The following DYNLT1 variants were observed in gnomAD, a reference collection of about 807,000 sequenced individuals.
DYNLT1 encodes T-complex testis-specific protein 1 homolog.
DYNLT1 carries 18 observed loss-of-function variants against 19.6 expected under a neutral mutation model. The ratio of observed to expected loss-of-function variants is 0.92; its 90% CI spans 0.64 to 1.36. The LOEUF (loss-of-function observed/expected upper bound fraction) is 1.36, where lower values mean the gene tolerates loss of function less well. Among genes scored for constraint, DYNLT1 ranks in the 40% most tolerant of loss-of-function variants. The probability of loss-of-function intolerance (pLI) is 0.00; values close to 1 mark genes in which losing one functional copy is unlikely to be tolerated. For synonymous variants in DYNLT1, 56 were observed against 44.0 expected, an observed-to-expected ratio of 1.27 and a Z score of -1.07; for missense variants, 137 against 139.3, an observed-to-expected ratio of 0.98 and a Z score of 0.08.
At position 158,637,202 on chromosome 6, in the gene DYNLT1, G is replaced by A. The variant is rs764380659; in HGVS notation, c.197C>T (p.Thr66Ile). Residue 66 changes from threonine (T) to isoleucine (I), a missense_variant, in exon 4 of 5, where the codon ACC becomes ATC. Thr to Ile is a moderately conservative substitution (Grantham distance 89). Transcript: ENST00000367089. ...KLGKPFKYIV[T>I]CVIMQKNGAG... The stretch of plus-strand genomic sequence containing the variant: ...TCCATTCTTCTGCATAATTACACAG[G>A]TCACTTAAGTTAAAACAAATTTTTG... The A allele has an allele frequency of 5.2e-5, 84 of 1,613,300 alleles. No individual in the cohort carries two copies. Among genetic ancestry groups the A allele is most frequent in the Non-Finnish European group, 7.0e-5 (82 of 1,179,758 alleles).
rs201629862 is a variant in DYNLT1, at chr6:158,637,851, T to A, written c.113A>T (p.Lys38Ile). Residue 38 changes from lysine to isoleucine, a missense_variant, in exon 3 of 5, where the codon AAA becomes ATA. Lys to Ile is a moderately radical substitution (Grantham distance 102). Transcript: ENST00000367089. ...TACATTTGTGGTCCACTGGTTCACT[T>A]TGCTGTGTTGATAAGCGTTACCACC... is the stretch of plus-strand genomic sequence containing the variant. ...AIGGNAYQHS[K>I]VNQWTTNVVE... 1.2e-6 allele frequency: 2 copies of A among 1,609,546 alleles called. No homozygotes were observed. Among genetic ancestry groups the A allele is most frequent in the East Asian group, 2.2e-5 (1 of 44,894 alleles).
intron 2 of DYNLT1, 31 bp downstream of exon 2, chr6:158,641,288 A>G: frequency 6.4e-7 from 1 of 1,571,082 alleles, no homozygotes; most frequent in South Asian, 1.2e-5. Flanking sequence ...AAGCCATTAA[A>G]CATTTAAGAA....
At chr6:158,638,475 A>G (rs1787069442) in intron 2 of DYNLT1, among the ~76,000 whole-genome samples, 3 of 151,842 alleles carry the variant, frequency 2.0e-5, no homozygotes, top group Admixed American at 2.0e-4. Context: ...CCCAGGCTGG[A>G]GAGCAGTGAT....
At chr6:158,637,502 T>A (rs1406586236) in intron 3 of DYNLT1, 5 of 626,872 alleles carry the variant, frequency 8.0e-6, no homozygotes, top group Non-Finnish European at 1.4e-5. Context: ...CACTGTCAGC[T>A]GGGGGCTGTC....
At position 158,636,914 on chromosome 6, in the gene DYNLT1, A is replaced by G. The variant is rs767076503; in HGVS notation, c.272-17T>C. ...TGCAGCTCCCTGCGGGAGGGAAGAGAGCAGCATTTACGGCAGGGAAAGCTG... is the reference window on the plus strand; with the variant it reads ...TGCAGCTCCCTGCGGGAGGGAAGAGGGCAGCATTTACGGCAGGGAAAGCTG... On this transcript the variant is annotated splice_polypyrimidine_tract_variant and intron_variant, in intron 4 of 4. Transcript: ENST00000367089. The G allele has an allele frequency of 7.4e-6, 12 of 1,612,942 alleles. No individual in the cohort carries two copies. The highest frequency in any genetic ancestry group is 1.3e-5 in the African/African-American group (1 of 74,928).
intron 2 of DYNLT1, among the ~76,000 whole-genome samples, chr6:158,640,202 C>T (rs1390326447): frequency 6.6e-6 from 1 of 152,168 alleles, no homozygotes; most frequent in African/African-American, 2.4e-5. Context: ...TGCAAAGCAA[C>T]CAGAAAGTCA....
Position 158,636,894 on chromosome 6 carries a change from C to T in DYNLT1, c.275G>A (p.Ser92Asn), listed in dbSNP as rs141047949. The T allele has an allele frequency of 2.4e-4, 388 of 1,613,468 alleles. No individual in the cohort carries two copies. Among genetic ancestry groups the T allele is most frequent in the Non-Finnish European group, 3.2e-4 (373 of 1,179,744 alleles). Residue 92 changes from serine to asparagine, a missense_variant, in exon 5 of 5, where the codon AGC (serine) becomes AAC (asparagine). Physicochemically the swap from Ser to Asn is conservative, Grantham distance 46 (BLOSUM62 1). Transcript: ENST00000367089. Reference sequence around the variant, plus strand: ...CTTATTCTCCCATCGCACAGTGCAGCTCCCTGCGGGAGGGAAGAGAGCAGC... The same window carrying T: ...CTTATTCTCCCATCGCACAGTGCAGTTCCCTGCGGGAGGGAAGAGAGCAGC... Reference protein sequence around the residue: ...SCFWDSSTDGSCTVRWENKTM... With the variant: ...SCFWDSSTDGNCTVRWENKTM...
chr6:158,638,014 G>T (rs780340495), intron 2 of DYNLT1, 120 bp from the exon 3 acceptor site: 6 of 1,470,164 alleles, frequency 4.1e-6, no homozygotes, highest in Non-Finnish European at 4.5e-6. Context: ...AATCATGAGG[G>T]TGCCTTTGCA....
intron 1 of DYNLT1, chr6:158,642,603 C>T (rs898721530): frequency 6.6e-6 from 1 of 152,128 alleles, no homozygotes; most frequent in Admixed American, 6.5e-5. Context: ...CCCGAAGCCA[C>T]CTCACTTGCT....
chr6:158,637,739 C>A (rs376970070), intron 3 of DYNLT1, 32 bp downstream of exon 3: 4 of 1,614,032 alleles, frequency 2.5e-6, no homozygotes, highest in Non-Finnish European at 3.4e-6. Flanking sequence ...AAAAACCATC[C>A]CGCAAATATA....
At chr6:158,641,382 TAA>T in intron 1 of DYNLT1, 22 bp from the exon 2 acceptor site, 1 of 1,578,024 alleles carries the variant, frequency 6.3e-7, no homozygotes, top group East Asian at 2.3e-5. Context: ...AACATTCAGT[TAA>T]GTTTGATTTA....
rs576543889 is a variant in DYNLT1 at position 158,638,998 on chromosome 6, A to G, written c.70-1104T>C. Among the ~76,000 whole-genome samples, 7 of 152,292 alleles carry G rather than the reference A, an allele frequency of 4.6e-5. No homozygotes were observed. In the South Asian group the frequency reaches 1.5e-3, roughly 32 times the overall value. Reference sequence around the variant, plus strand: ...CTGGAAACCAGGAACCTGAGTTTCTATGACAGTTATGACCTAAAGTGAAAA... The same window carrying G: ...CTGGAAACCAGGAACCTGAGTTTCTGTGACAGTTATGACCTAAAGTGAAAA... On this transcript the variant is annotated intron_variant, in intron 2 of 4. Transcript: ENST00000367089.
Position 158,636,836 on chromosome 6 carries a change from C to T in DYNLT1, c.333G>A (p.Leu111=), listed in dbSNP as rs375813586. 2.7e-5 allele frequency: 43 copies of T among 1,611,040 alleles called. No homozygotes were observed. Among genetic ancestry groups the T allele is most frequent in the Admixed American group, 3.3e-5 (2 of 59,736 alleles). The part of the protein sequence containing the change: ...TMYCIVSAFG[L]SI Reference sequence around the variant, plus strand: ...TAGGCTGGACTGCAGGTCAAATAGACAGTCCGAAGGCACTGACGATGCAGT... The same window carrying T: ...TAGGCTGGACTGCAGGTCAAATAGATAGTCCGAAGGCACTGACGATGCAGT... Residue 111 remains leucine, a synonymous_variant, in exon 5 of 5, where the codon CTG becomes CTA. Coordinates refer to ENST00000367089, the MANE Select transcript of DYNLT1 (RefSeq NM_006519.4).
At chr6:158,644,034 T>C (rs191594412) in intron 1 of DYNLT1, among the ~76,000 whole-genome samples, 363 of 150,544 alleles carry the variant, frequency 2.4e-3, no homozygotes, top group African/African-American at 8.4e-3. Context: ...TCGTGGGCTT[T>C]ATCCTACTTC....
At chr6:158,641,093 G>A (rs912370242) in intron 2 of DYNLT1, among the ~76,000 whole-genome samples, 2 of 152,144 alleles carry the variant, frequency 1.3e-5, no homozygotes, top group African/African-American at 4.8e-5. Context: ...TTGGTGATAT[G>A]CAGTAATAAT....
chr6:158,639,830 G>A lies in DYNLT1; in HGVS notation c.69+1489C>T, dbSNP rs552323150. Among the ~76,000 whole-genome samples, 17 of 152,212 alleles carry A rather than the reference G, an allele frequency of 1.1e-4. No individual in the cohort carries two copies. The South Asian group carries it at 2.1e-3, about 19-fold the overall frequency. ...CAAGGAGCTGGGACTACAGGCATGC[G>A]CCACCAAGCCTGGCTTATTTTTGTA... On this transcript the variant is annotated intron_variant, in intron 2 of 4. Coordinates refer to ENST00000367089, the MANE Select transcript of DYNLT1 (RefSeq NM_006519.4).
rs546969859 is a variant in DYNLT1, at chr6:158,637,229, TAGAGA to T, written c.194-29_194-25del. 30 of 1,608,578 alleles carry T rather than the reference TAGAGA, an allele frequency of 1.9e-5. No homozygotes were observed. In the South Asian group the frequency reaches 2.0e-4, roughly 11 times the overall value. On this transcript the variant is annotated intron_variant, in intron 3 of 4. Transcript: ENST00000367089. ...CACTTAAGTTAAAACAAATTTTTGT[TAGAGA>T]AGTCTACTGGGTAACACAAATGTCA...
rs1475874606 is a variant in DYNLT1, at chr6:158,636,781, G to A, written c.*46C>T. ...CTGAATTCATGGCTGGTGGTTAGAG[G>A]ATGAACTAGAGACAAAAGGAGAAAG... is the stretch of plus-strand genomic sequence containing the variant. On this transcript the variant is annotated 3_prime_UTR_variant, in exon 5 of 5. Coordinates refer to ENST00000367089, the MANE Select transcript of DYNLT1 (RefSeq NM_006519.4). The A allele has an allele frequency of 1.3e-6, 2 of 1,563,812 alleles. No homozygotes were observed. Among genetic ancestry groups the A allele is most frequent in the Non-Finnish European group, 1.7e-6 (2 of 1,147,686 alleles).
At chr6:158,640,433 G>A (rs1787111584) in intron 2 of DYNLT1, among the ~76,000 whole-genome samples, 1 of 152,060 alleles carries the variant, frequency 6.6e-6, no homozygotes, top group Non-Finnish European at 1.5e-5. Context: ...ACCCAGGGAA[G>A]GCAGGGAAGC....
Sources: gnomAD v4.1 joint callset for allele counts (sites outside exome capture counted in the v4.1 genomes callset) on GRCh38, gnomAD v4.1.1 for gene constraint, MANE v1.5 for transcripts, NCBI Gene and HGNC (gene_info 2026-07-23, HGNC 2026-07-21) for gene names.